The following KCNMA1 variants were observed in gnomAD, a reference collection of about 807,000 sequenced individuals.
KCNMA1 encodes Calcium-activated potassium channel subunit alpha-1.
In KCNMA1, 29 loss-of-function variants were observed where a neutral mutation model predicts 140.0. The observed-to-expected ratio is 0.21, with a 90% CI of 0.15 to 0.28. KCNMA1 has a LOEUF of 0.28. Among genes scored for constraint, KCNMA1 ranks in the 10% least tolerant of loss-of-function variants. The pLI, the probability that KCNMA1 is intolerant of heterozygous loss-of-function variation, is 1.00. For missense variants in KCNMA1, 880 were observed against 1,602.2 expected (o/e 0.55, Z 7.70); for synonymous variants, 612 against 611.9 (o/e 1.00, Z 0.00).
chr10:76,901,086 A>G (rs764720438), intron 25 of KCNMA1, among the ~76,000 whole-genome samples: 4 of 152,136 alleles, frequency 2.6e-5, no homozygotes, highest in Admixed American at 6.5e-5. Context: ...ATAAAGTCCT[A>G]TGGAGGCTCT....
intron 1 of KCNMA1, among the ~76,000 whole-genome samples, chr10:77,488,870 C>A (rs1379945324): frequency 6.6e-6 from 1 of 152,232 alleles, no homozygotes; most frequent in African/African-American, 2.4e-5. Context: ...GCTGACACTT[C>A]ATTTAAACCA....
intron 3 of KCNMA1, among the ~76,000 whole-genome samples, chr10:77,187,334 C>T (rs1158207844): frequency 1.3e-5 from 2 of 152,304 alleles, no homozygotes; most frequent in African/African-American, 4.8e-5. Flanking sequence ...TCCTTTCTGT[C>T]ATCCCTCCTC....
intron 1 of KCNMA1, among the ~76,000 whole-genome samples, chr10:77,458,052 C>T (rs2097788776): frequency 1.3e-5 from 2 of 152,200 alleles, no homozygotes; most frequent in African/African-American, 4.8e-5. Flanking sequence ...TGGGAGCTCA[C>T]GCTAGCTACT....
intron 1 of KCNMA1, among the ~76,000 whole-genome samples, chr10:77,599,700 G>C (rs1019812158): frequency 6.6e-6 from 1 of 152,214 alleles, no homozygotes; most frequent in Non-Finnish European, 1.5e-5. Flanking sequence ...TCAGCAATTA[G>C]AGAGATCATT....
At chr10:77,089,457 A>T (rs2096766414) in intron 10 of KCNMA1, among the ~76,000 whole-genome samples, 1 of 152,142 alleles carries the variant, frequency 6.6e-6, no homozygotes, top group Admixed American at 6.5e-5. Context: ...GAGCCCCCTA[A>T]TTCTCTCCAT....
Position 77,506,596 on chromosome 10 carries a change from A to AGAGTGTGTGTGTGTGTGTGTGT in KCNMA1, c.379-102574_379-102573insACACACACACACACACACACTC. On this transcript the variant is annotated intron_variant, in intron 1 of 27. Transcript: ENST00000286628. The stretch of plus-strand genomic sequence containing the variant: ...TAGAGAGAGAGAGAGAGAGAGAGAG[A>AGAGTGTGTGTGTGTGTGTGTGT]GTGTGTGTGTGTGTGTGTGTGTGTT... Among the ~76,000 whole-genome samples the AGAGTGTGTGTGTGTGTGTGTGT allele has an allele frequency of 1.7e-4, 14 of 83,570 alleles. No individual in the cohort carries two copies. The East Asian group carries it at 5.3e-3, about 32-fold the overall frequency. The allele number at this position is 83,570 out of a possible 152,430, so 54.8% of individuals were successfully genotyped here.
At chr10:77,282,179 C>A (rs1460168584) in intron 2 of KCNMA1, among the ~76,000 whole-genome samples, 1 of 152,196 alleles carries the variant, frequency 6.6e-6, no homozygotes, top group African/African-American at 2.4e-5. Flanking sequence ...CCATCTCTCA[C>A]ATCTGTATGT....
chr10:76,967,788 G>T (rs2074521607), intron 20 of KCNMA1, among the ~76,000 whole-genome samples: 1 of 152,172 alleles, frequency 6.6e-6, no homozygotes, highest in African/African-American at 2.4e-5. Context: ...CCCGAGTTCT[G>T]TAGCTTGGCA....
At chr10:77,251,040 T>G in intron 3 of KCNMA1, 155 bp downstream of exon 3, 2 of 679,052 alleles carry the variant, frequency 2.9e-6, no homozygotes, top group Admixed American at 2.2e-5. Flanking sequence ...TCTTTCCCAT[T>G]TAGAAAATCA....
chr10:77,423,318 AG>A (rs1260637012), intron 1 of KCNMA1, among the ~76,000 whole-genome samples: 1 of 152,208 alleles, frequency 6.6e-6, no homozygotes, highest in African/African-American at 2.4e-5. Flanking sequence ...GGAGTTTCTC[AG>A]TGACAAAGAA....
At chr10:77,024,860 T>C (rs886418680) in intron 16 of KCNMA1, among the ~76,000 whole-genome samples, 1 of 151,820 alleles carries the variant, frequency 6.6e-6, no homozygotes, top group Non-Finnish European at 1.5e-5. Flanking sequence ...AAAATAGAAG[T>C]GTAAGGGCTT....
chr10:77,156,028 C>T (rs1166897087), intron 5 of KCNMA1, among the ~76,000 whole-genome samples: 5 of 152,042 alleles, frequency 3.3e-5, no homozygotes, highest in African/African-American at 9.7e-5. Flanking sequence ...GAGATCGAGA[C>T]CATCCTGGCT....
At chr10:77,603,805 G>A (rs1384828732) in intron 1 of KCNMA1, among the ~76,000 whole-genome samples, 1 of 152,168 alleles carries the variant, frequency 6.6e-6, no homozygotes, top group African/African-American at 2.4e-5. Context: ...AGGCAATATG[G>A]CTCTCAGTGA....
At chr10:77,284,430 G>A (rs2069933466) in intron 2 of KCNMA1, among the ~76,000 whole-genome samples, 2 of 152,106 alleles carry the variant, frequency 1.3e-5, no homozygotes, top group Non-Finnish European at 2.9e-5. Context: ...ATGTAAAACA[G>A]CAGAACCAAA....
intron 5 of KCNMA1, among the ~76,000 whole-genome samples, chr10:77,139,262 T>A (rs1402623552): frequency 6.6e-6 from 1 of 152,232 alleles, no homozygotes; most frequent in Admixed American, 6.5e-5. Context: ...CATCATTTGG[T>A]CTCTTCTCTC....
At chr10:77,420,098 A>G (rs1367825391) in intron 1 of KCNMA1, among the ~76,000 whole-genome samples, 1 of 152,240 alleles carries the variant, frequency 6.6e-6, no homozygotes, top group Non-Finnish European at 1.5e-5. Context: ...GGCCCTGGCC[A>G]TCAGTGAAAG....
At chr10:77,409,795 G>A (rs769832069) in intron 1 of KCNMA1, among the ~76,000 whole-genome samples, 2 of 152,186 alleles carry the variant, frequency 1.3e-5, no homozygotes, top group Non-Finnish European at 2.9e-5. Context: ...CAGGTCTGTG[G>A]TGTGGCAGGA....
In KCNMA1 at chr10:77,287,648, C is replaced by T. The variant is rs577676155; in HGVS notation, c.541-36392G>A. On this transcript the variant is annotated intron_variant, in intron 2 of 27. Coordinates refer to ENST00000286628, the MANE Select transcript of KCNMA1 (RefSeq NM_001161352.2). ...CATTCATTTTTTAGATGGGAGTTGG[C>T]ATGAGGATCTCCTGCAAAGAGAGAG... Among the ~76,000 whole-genome samples, 43 of 152,284 alleles carry T rather than the reference C, an allele frequency of 2.8e-4. No homozygotes were observed. The South Asian group carries it at 6.8e-3, about 24-fold the overall frequency.
At chr10:77,186,375 A>AAAC (rs1305829752) in intron 3 of KCNMA1, among the ~76,000 whole-genome samples, 83 of 141,754 alleles carry the variant, frequency 5.9e-4, no homozygotes, top group African/African-American at 2.0e-3. Flanking sequence ...AAAAAACAAA[A>AAAC]AACAAAAAAA....
Sources: gnomAD v4.1 joint callset for allele counts (sites outside exome capture counted in the v4.1 genomes callset) on GRCh38, gnomAD v4.1.1 for gene constraint, MANE v1.5 for transcripts, NCBI Gene and HGNC (gene_info 2026-07-23, HGNC 2026-07-21) for gene names.